The following CALD1 variants were observed in gnomAD, a reference collection of about 807,000 sequenced individuals.
CALD1 encodes the protein caldesmon 1.
A neutral mutation model predicts 99.9 loss-of-function variants in CALD1; 33 were observed. The observed-to-expected ratio is 0.33, with a 90% CI of 0.25 to 0.44. The LOEUF is 0.44. CALD1 is among the 20% of genes least tolerant of loss of function. CALD1 has a pLI of 1.00. For synonymous variants in CALD1, 310 were observed against 325.0 expected (o/e 0.95, Z 0.50); for missense variants, 861 against 962.1 (o/e 0.89, Z 1.39).
chr7:134,892,407 G>A (rs1028047155), intron 3 of CALD1, among the ~76,000 whole-genome samples: 1 of 152,144 alleles, frequency 6.6e-6, no homozygotes, highest in Non-Finnish European at 1.5e-5. Flanking sequence ...TATGAGGTTT[G>A]AAAAACTTAC....
rs193082252 is a variant in CALD1 at position 134,757,637 on chromosome 7, T to G, written c.-130+13274T>G. 2.3e-3 allele frequency among the ~76,000 whole-genome samples: 348 copies of G among 152,138 alleles called. 1 individual carries two copies. The highest frequency in any genetic ancestry group is 7.9e-3 in the African/African-American group (326 of 41,524). The stretch of plus-strand genomic sequence containing the variant: ...GGCTCATGCCTGTAATCCCAGCACT[T>G]TGGGAGGCCGAGGTGAGTGGTTCAC... On this transcript the variant is annotated intron_variant, in intron 1 of 13. Coordinates refer to the CALD1 transcript ENST00000417172.
At chr7:134,739,951 T>C (rs1367460113), upstream of CALD1, among the ~76,000 whole-genome samples, 1 of 149,992 alleles carries the variant, frequency 6.7e-6, no homozygotes, top group Non-Finnish European at 1.5e-5. Flanking sequence ...ACTGATAATC[T>C]AGATGTAGAA....
chr7:134,714,972 C>T, the CALD1 span, among the ~76,000 whole-genome samples: 7 of 152,160 alleles, frequency 4.6e-5, no homozygotes, highest in Admixed American at 3.9e-4. Flanking sequence ...ACCTCAATAC[C>T]AGCTGTGGTT....
At chr7:134,730,055 G>A in the CALD1 span, among the ~76,000 whole-genome samples, 4 of 152,066 alleles carry the variant, frequency 2.6e-5, no homozygotes, top group Admixed American at 1.3e-4. Context: ...GACATGAGGC[G>A]GCTGCTGCCT....
In CALD1 at chr7:134,815,993, A is replaced by G. The variant is rs80106787; in HGVS notation, c.-129-27891A>G. Among the ~76,000 whole-genome samples the G allele has an allele frequency of 8.7e-3, 1,330 of 152,252 alleles. 14 individuals are homozygous for G. The highest frequency in any genetic ancestry group is 0.031 in the African/African-American group (1,273 of 41,550). ...GATAACCAGGGTCATTCACTTGTGA[A>G]CTTGTCTTGTCTCCTCTTAACTAGA... On this transcript the variant is annotated intron_variant, in intron 1 of 14. Coordinates refer to ENST00000361675, the MANE Select transcript of CALD1 (RefSeq NM_033138.4).
intron 3 of CALD1, among the ~76,000 whole-genome samples, chr7:134,869,376 C>T (rs569977233): frequency 2.0e-5 from 3 of 152,088 alleles, no homozygotes; most frequent in African/African-American, 7.2e-5. Flanking sequence ...GAGTTATGTG[C>T]GATGACACTA....
intron 1 of CALD1, among the ~76,000 whole-genome samples, chr7:134,835,607 A>C (rs1799399721): frequency 6.6e-6 from 1 of 152,322 alleles, no homozygotes; most frequent in Admixed American, 6.5e-5. Context: ...AGTGTGCCTA[A>C]ATTTTTCAGA....
the CALD1 span, among the ~76,000 whole-genome samples, chr7:134,735,968 G>A: frequency 6.6e-6 from 1 of 152,106 alleles, no homozygotes; most frequent in Non-Finnish European, 1.5e-5. Context: ...CCAACACACT[G>A]AGCAGAAATC....
intron 7 of CALD1, among the ~76,000 whole-genome samples, chr7:134,942,852 A>G (rs1806557136): frequency 6.6e-6 from 1 of 152,234 alleles, no homozygotes. Flanking sequence ...CTTGCCAACA[A>G]GCTTCAAAGC....
chr7:134,958,407 A>ATTTTTTT, intron 11 of CALD1, 117 bp downstream of exon 11: 1 of 529,604 alleles, frequency 1.9e-6, no homozygotes. Context: ...GAGTGTTAGA[A>ATTTTTTT]TTTTTTTTTT....
intron 1 of CALD1, among the ~76,000 whole-genome samples, chr7:134,750,177 C>T (rs1796673221): frequency 6.6e-6 from 1 of 152,162 alleles, no homozygotes; most frequent in Non-Finnish European, 1.5e-5. Context: ...CAGGAAGGCA[C>T]TGCCATTGCT....
At chr7:134,766,582 G>A (rs1796828504) in intron 1 of CALD1, among the ~76,000 whole-genome samples, 2 of 152,216 alleles carry the variant, frequency 1.3e-5, no homozygotes, top group Admixed American at 6.5e-5. Flanking sequence ...TAGATGAGCA[G>A]TTAGTTCGCA....
At chr7:134,905,574 C>T (rs999711421) in intron 3 of CALD1, among the ~76,000 whole-genome samples, 6 of 151,970 alleles carry the variant, frequency 3.9e-5, no homozygotes, top group Non-Finnish European at 5.9e-5. Flanking sequence ...GAGTTCTAAC[C>T]GCTAGTCTTT....
chr7:134,779,373 G>A (rs373886068), upstream of CALD1: 2 of 296,690 alleles, frequency 6.7e-6, no homozygotes, highest in African/African-American at 2.2e-5. Flanking sequence ...TTTTGGCAGC[G>A]TGCACGCAGT....
chr7:134,891,802 G>C, intron 3 of CALD1: 1 of 747,236 alleles, frequency 1.3e-6, no homozygotes, highest in East Asian at 2.7e-5. Context: ...GGAGACACCA[G>C]GCAGGAAAGG....
At chr7:134,732,175 G>A in the CALD1 span, among the ~76,000 whole-genome samples, 1 of 152,074 alleles carries the variant, frequency 6.6e-6, no homozygotes, top group African/African-American at 2.4e-5. Flanking sequence ...TCTGCTTTCA[G>A]TCTTACCCTA....
chr7:134,892,092 C>G (rs988144761), intron 3 of CALD1, among the ~76,000 whole-genome samples: 1 of 152,148 alleles, frequency 6.6e-6, no homozygotes, highest in Non-Finnish European at 1.5e-5. Context: ...TTGCCCAATC[C>G]TTAGAGTAAA....
chr7:134,836,635 TCA>T (rs1366789706), intron 1 of CALD1, among the ~76,000 whole-genome samples: 39 of 152,344 alleles, frequency 2.6e-4, no homozygotes, highest in Non-Finnish European at 5.3e-4. Context: ...TACATTTTTC[TCA>T]GTGTCTCTCA....
chr7:134,723,715 G>A, the CALD1 span, among the ~76,000 whole-genome samples: 18,926 of 151,982 alleles, frequency 0.12, 1,471 homozygotes, highest in Non-Finnish European at 0.17. Context: ...AGTCTGGGAT[G>A]GTGCTACTGG....
Sources: allele counts gnomAD v4.1 joint callset (sites outside exome capture counted in the v4.1 genomes callset), GRCh38; gene constraint gnomAD v4.1.1; transcripts MANE v1.5; gene names NCBI Gene and HGNC (gene_info 2026-07-23, HGNC 2026-07-21).